Variants in CHD7 observed in about 807,000 individuals in gnomAD.
CHD7 encodes ATP-dependent chromatin remodeler CHD7.
A neutral mutation model predicts 307.3 loss-of-function variants in CHD7; 24 were observed. The ratio of observed to expected loss-of-function variants is 0.08; its 90% CI spans 0.06 to 0.11. The LOEUF is 0.11. Among genes scored for constraint, CHD7 ranks in the 10% least tolerant of loss-of-function variants. The pLI is 1.00. For missense variants in CHD7, 3,106 were observed against 3,727.1 expected, an observed-to-expected ratio of 0.83 and a Z score of 4.34; for synonymous variants, 1,363 against 1,349.9, an observed-to-expected ratio of 1.01 and a Z score of -0.21.
intron 1 of CHD7, among the ~76,000 whole-genome samples, chr8:60,719,782 C>T (rs571179074): frequency 6.6e-6 from 1 of 152,258 alleles, no homozygotes; most frequent in African/African-American, 2.4e-5. Flanking sequence ...CTTCTCATCC[C>T]CACAGGTCTT....
chr8:60,801,267 G>T (rs938694750), intron 5 of CHD7, among the ~76,000 whole-genome samples: 3 of 152,096 alleles, frequency 2.0e-5, no homozygotes, highest in Non-Finnish European at 4.4e-5. Context: ...TAGAATTTCT[G>T]ATTGCTCTCT....
chr8:60,747,363 C>T (rs1387762510), intron 2 of CHD7, among the ~76,000 whole-genome samples: 1 of 152,092 alleles, frequency 6.6e-6, no homozygotes, highest in Non-Finnish European at 1.5e-5. Flanking sequence ...CAGGCATGAG[C>T]CACCCTGCCT....
intron 2 of CHD7, among the ~76,000 whole-genome samples, chr8:60,749,783 A>G (rs1009916426): frequency 6.6e-6 from 1 of 152,222 alleles, no homozygotes; most frequent in Non-Finnish European, 1.5e-5. Context: ...CTAGTTCTTC[A>G]TGACATCTTT....
chr8:60,719,340 G>T (rs1423640909), intron 1 of CHD7, among the ~76,000 whole-genome samples: 2 of 152,136 alleles, frequency 1.3e-5, no homozygotes, highest in Non-Finnish European at 2.9e-5. Flanking sequence ...GAAAAATTTG[G>T]ACACTTTTCA....
chr8:60,793,433 A>G (rs1377204780), intron 3 of CHD7, among the ~76,000 whole-genome samples: 1 of 152,198 alleles, frequency 6.6e-6, no homozygotes, highest in African/African-American at 2.4e-5. Flanking sequence ...AACAAAATAA[A>G]ACTCTGAGTA....
At position 60,678,782 on chromosome 8, in the gene CHD7, G is replaced by GGCGGCGGCA. The variant is rs1333778265; in HGVS notation, c.-466_-458dup. On this transcript the variant is annotated 5_prime_UTR_variant, in exon 1 of 38. Coordinates refer to ENST00000423902, the MANE Select transcript of CHD7 (RefSeq NM_017780.4). ...CTGGGGCCGCGGCGGCGGCGGCGGC[G>GGCGGCGGCA]GCGGCGGCAGCGGCGGCGGCGGCGG... 1.4e-5 allele frequency: 2 copies of GGCGGCGGCA among 141,680 alleles called. No homozygotes were observed. Among genetic ancestry groups the GGCGGCGGCA allele is most frequent in the Admixed American group, 7.0e-5 (1 of 14,194 alleles). The allele number at this position is 141,680 out of a possible 1,614,324, so 8.8% of individuals were successfully genotyped here. A position where few individuals can be genotyped will look rare whatever the true frequency, so the allele number is the denominator to read the frequency against.
In CHD7 at chr8:60,781,147, C is replaced by G. The variant is rs534225918; in HGVS notation, c.1813C>G (p.His605Asp). The G allele has an allele frequency of 9.3e-6, 15 of 1,608,560 alleles. No individual in the cohort carries two copies. The highest frequency in any genetic ancestry group is 1.3e-5 in the Non-Finnish European group (15 of 1,177,494). The change falls in exon 3 of 38, where the codon CAC becomes GAC. Residue 605 changes from histidine to aspartate, a missense_variant. By Grantham distance (81) the His-to-Asp change is moderately conservative (BLOSUM62 -1). Transcript: ENST00000423902. ...QQKKKKKKNN[H>D]IVAEDPSKGF... The stretch of plus-strand genomic sequence containing the variant: ...AAAGAAGAAGAAAAAGAAAAACAAC[C>G]ACATTGTAGCAGAGGATCCCAGTAA...
chr8:60,696,535 G>A (rs1806479720), intron 1 of CHD7, among the ~76,000 whole-genome samples: 1 of 152,030 alleles, frequency 6.6e-6, no homozygotes, highest in Admixed American at 6.6e-5. Context: ...GTGGATTAAT[G>A]CAACAGTGCA....
chr8:60,806,895 G>A (rs1309133007), intron 6 of CHD7, among the ~76,000 whole-genome samples: 1 of 152,086 alleles, frequency 6.6e-6, no homozygotes, highest in South Asian at 2.1e-4. Context: ...CCAGCTACTT[G>A]GGGAGGTGGT....
chr8:60,771,981 CTTTTACCTTCGCTGTATTCTG>C (rs1487299617), intron 2 of CHD7, among the ~76,000 whole-genome samples: 1 of 152,122 alleles, frequency 6.6e-6, no homozygotes. Context: ...ACGTGAAATC[CTTTTACCTTCGCTGTATTCTG>C]TTGGCTTGAG....
rs947782309 is a variant in CHD7, at chr8:60,698,034, T to C, written c.-175+18952T>C. 3.3e-5 allele frequency among the ~76,000 whole-genome samples: 5 copies of C among 152,242 alleles called. No individual in the cohort carries two copies. In the South Asian group the frequency reaches 1.0e-3, roughly 32 times the overall value. ...TACCATAAAACAGTGTCACCAAGACTGTTCCACAGGAGTGATGCCAAAAAT... is the reference window on the plus strand; with the variant it reads ...TACCATAAAACAGTGTCACCAAGACCGTTCCACAGGAGTGATGCCAAAAAT... On this transcript the variant is annotated intron_variant, in intron 1 of 37. Transcript: ENST00000423902.
At chr8:60,853,804 T>G (rs1371343795) in intron 31 of CHD7, among the ~76,000 whole-genome samples, 1 of 152,236 alleles carries the variant, frequency 6.6e-6, no homozygotes, top group Non-Finnish European at 1.5e-5. Context: ...CTATGTGATT[T>G]TAATTTTGAC....
At chr8:60,802,390 G>A (rs1052130823) in intron 6 of CHD7, among the ~76,000 whole-genome samples, 5 of 152,132 alleles carry the variant, frequency 3.3e-5, no homozygotes, top group Admixed American at 6.5e-5. Flanking sequence ...GCAGTTTTTC[G>A]TGTCTCTAGG....
At chr8:60,697,225 T>G (rs554822685) in intron 1 of CHD7, among the ~76,000 whole-genome samples, 1 of 152,192 alleles carries the variant, frequency 6.6e-6, no homozygotes, top group Non-Finnish European at 1.5e-5. Flanking sequence ...TAGGAAGACT[T>G]TAACATCTGG....
At chr8:60,765,234 C>T (rs1810411727) in intron 2 of CHD7, among the ~76,000 whole-genome samples, 1 of 151,558 alleles carries the variant, frequency 6.6e-6, no homozygotes, top group African/African-American at 2.4e-5. Context: ...CACACACGCA[C>T]ACGCATGCAT....
At chr8:60,832,780 G>A (rs58291846) in intron 15 of CHD7, among the ~76,000 whole-genome samples, 2,016 of 152,260 alleles carry the variant, frequency 0.013, 44 homozygotes, top group African/African-American at 0.046. Flanking sequence ...CCAAAACACA[G>A]CTGGTGTGTC....
intron 2 of CHD7, among the ~76,000 whole-genome samples, chr8:60,772,965 A>C (rs768483189): frequency 1.4e-4 from 21 of 152,184 alleles, no homozygotes; most frequent in Non-Finnish European, 3.1e-4. Flanking sequence ...AGGCACCATG[A>C]TGTTCACATT....
chr8:60,823,811 TTAA>T (rs1432009524), intron 12 of CHD7, 26 bp from the exon 13 acceptor site: 1 of 1,582,286 alleles, frequency 6.3e-7, no homozygotes, highest in Non-Finnish European at 8.7e-7. Context: ...CCATTAATGC[TTAA>T]TAATAATTCA....
intron 31 of CHD7, among the ~76,000 whole-genome samples, chr8:60,853,872 C>T (rs3829054): frequency 0.75 from 114,287 of 152,230 alleles, 43,463 homozygotes; most frequent in African/African-American, 0.86. Context: ...TTTGAAACAA[C>T]TGGTGCTTGT....
Sources: allele counts gnomAD v4.1 joint callset (sites outside exome capture counted in the v4.1 genomes callset), GRCh38; gene constraint gnomAD v4.1.1; transcripts MANE v1.5; gene names NCBI Gene and HGNC (gene_info 2026-07-23, HGNC 2026-07-21).